RUNX1T1: variants seen among roughly 807,000 people sequenced by gnomAD.
RUNX1T1 encodes protein CBFA2T1.
In RUNX1T1, 4 loss-of-function variants were observed where a neutral mutation model predicts 62.8. The observed-to-expected ratio is 0.06, with a 90% CI of 0.03 to 0.15. The LOEUF (loss-of-function observed/expected upper bound fraction) is 0.15, where lower values mean the gene tolerates loss of function less well. RUNX1T1 is among the 10% of genes least tolerant of loss of function. RUNX1T1 has a pLI of 1.00. For synonymous variants in RUNX1T1, 291 were observed against 286.0 expected, an observed-to-expected ratio of 1.02 and a Z score of -0.18; for missense variants, 508 against 754.3, an observed-to-expected ratio of 0.67 and a Z score of 3.82.
chr8:91,979,127 A>T (rs988388371), intron 8 of RUNX1T1, among the ~76,000 whole-genome samples: 1 of 152,202 alleles, frequency 6.6e-6, no homozygotes, highest in Non-Finnish European at 1.5e-5. Context: ...GGTAGTAGGT[A>T]TACTCCTCAG....
At chr8:92,087,377 C>G (rs1356440436) in intron 1 of RUNX1T1, among the ~76,000 whole-genome samples, 2 of 93,146 alleles carry the variant, frequency 2.1e-5, no homozygotes, top group Admixed American at 2.4e-4. Context: ...CACCCCTACT[C>G]CACCCCAATA....
At chr8:92,038,312 T>TAA (rs202129384) in intron 1 of RUNX1T1, among the ~76,000 whole-genome samples, 1 of 151,640 alleles carries the variant, frequency 6.6e-6, no homozygotes, top group Non-Finnish European at 1.5e-5. Context: ...ATAGAAGTAT[T>TAA]AAAAAAAACT....
At chr8:92,072,570 C>G (rs537074183) in intron 2 of RUNX1T1, among the ~76,000 whole-genome samples, 1 of 152,280 alleles carries the variant, frequency 6.6e-6, no homozygotes, top group African/African-American at 2.4e-5. Context: ...AAAAGCATGC[C>G]TGCTTGTCTG....
At chr8:92,072,398 T>G (rs1312394748) in intron 2 of RUNX1T1, among the ~76,000 whole-genome samples, 1 of 152,164 alleles carries the variant, frequency 6.6e-6, no homozygotes, top group East Asian at 1.9e-4. Context: ...CTCAGGAATA[T>G]CAAACATATC....
chr8:92,086,758 C>T (rs1328356335), intron 1 of RUNX1T1, among the ~76,000 whole-genome samples: 3 of 152,154 alleles, frequency 2.0e-5, no homozygotes, highest in Admixed American at 2.0e-4. Context: ...TAATAACTTC[C>T]CCCTCTCTAA....
chr8:92,020,325 G>A (rs1823838102), intron 1 of RUNX1T1, among the ~76,000 whole-genome samples: 2 of 152,072 alleles, frequency 1.3e-5, no homozygotes, highest in African/African-American at 4.8e-5. Context: ...AACTTTTATA[G>A]CAAACAGCAC....
At chr8:92,063,030 C>A, upstream of RUNX1T1, 1 of 942,908 alleles carries the variant, frequency 1.1e-6, no homozygotes, top group Admixed American at 5.0e-5. Context: ...AGACCTGGCC[C>A]CCTACCACCC....
chr8:92,072,205 A>G (rs934848117), intron 2 of RUNX1T1, among the ~76,000 whole-genome samples: 1 of 152,218 alleles, frequency 6.6e-6, no homozygotes, highest in Non-Finnish European at 1.5e-5. Flanking sequence ...GAAATAAATG[A>G]TTTTGATAGT....
chr8:92,082,650 C>T (rs1051700006), intron 1 of RUNX1T1, among the ~76,000 whole-genome samples: 2 of 152,192 alleles, frequency 1.3e-5, no homozygotes, highest in African/African-American at 4.8e-5. Context: ...CAGTGAGACT[C>T]TTTACCATTT....
chr8:91,958,100 AC>A (rs1451380659), downstream of RUNX1T1: 4 of 89,768 alleles, frequency 4.5e-5, 1 homozygote, highest in East Asian at 1.7e-4. Flanking sequence ...CCCTCCCCCC[AC>A]CCCCCGCCCC....
chr8:91,970,508 T>G (rs1812602476), intron 10 of RUNX1T1, 150 bp downstream of exon 11: 1 of 658,070 alleles, frequency 1.5e-6, no homozygotes, highest in Admixed American at 3.9e-5. Context: ...TGATCAGCTC[T>G]TGGCAAATTT....
chr8:92,075,208 T>C (rs945380402), intron 2 of RUNX1T1, among the ~76,000 whole-genome samples: 4 of 152,226 alleles, frequency 2.6e-5, no homozygotes, highest in African/African-American at 9.6e-5. Flanking sequence ...ACAACATTTG[T>C]GTTGACTCTC....
upstream of RUNX1T1, among the ~76,000 whole-genome samples, chr8:92,101,801 C>T (rs1395310999): frequency 6.6e-6 from 1 of 152,166 alleles, no homozygotes; most frequent in African/African-American, 2.4e-5. Flanking sequence ...GCTGACCTAG[C>T]CGTATTTGCT....
At chr8:92,041,292 C>T (rs1828407325) in intron 1 of RUNX1T1, among the ~76,000 whole-genome samples, 1 of 152,208 alleles carries the variant, frequency 6.6e-6, no homozygotes, top group Admixed American at 6.5e-5. Context: ...CGACTAACAC[C>T]TCCCACCAAT....
chr8:92,046,507 G>A (rs540654664), intron 1 of RUNX1T1, among the ~76,000 whole-genome samples: 1 of 152,108 alleles, frequency 6.6e-6, no homozygotes, highest in South Asian at 2.1e-4. Context: ...GGCACTACAG[G>A]CCTGTACCAC....
exon 8 of RUNX1T1, chr8:91,986,200 G>C (rs1384900404): frequency 1.9e-6 from 3 of 1,614,042 alleles, no homozygotes; most frequent in Middle Eastern, 1.6e-4. Context: ...CTTTTTTTAA[G>C]TCCTCGGCGT....
intron 5 of RUNX1T1, among the ~76,000 whole-genome samples, chr8:91,992,468 T>A (rs1586868607): frequency 1.3e-5 from 2 of 152,250 alleles, no homozygotes; most frequent in East Asian, 3.8e-4. Context: ...ACATTTCATG[T>A]GCTCAACAGG....
intron 5 of RUNX1T1, chr8:92,003,497 T>G (rs1456986534): frequency 4.8e-6 from 2 of 416,944 alleles, no homozygotes; most frequent in African/African-American, 4.1e-5. Flanking sequence ...CAGGATCATC[T>G]CTACATTTAT....
At chr8:91,979,969 T>A (rs1291951005) in intron 8 of RUNX1T1, 1 of 392,944 alleles carries the variant, frequency 2.5e-6, no homozygotes, top group African/African-American at 2.1e-5. Flanking sequence ...CATGATAATA[T>A]CTATTACAAA....
Sources: gnomAD v4.1 joint callset for allele counts (sites outside exome capture counted in the v4.1 genomes callset) on GRCh38, gnomAD v4.1.1 for gene constraint, MANE v1.5 for transcripts, NCBI Gene and HGNC (gene_info 2026-07-23, HGNC 2026-07-21) for gene names.